Variants in FBXO36 observed in about 807,000 individuals in gnomAD.
FBXO36 encodes the protein F-box only protein 36.
A neutral mutation model predicts 17.0 loss-of-function variants in FBXO36; 18 were observed. That is an observed-to-expected ratio of 1.06 (90% confidence interval 0.73 to 1.57). FBXO36 has a LOEUF of 1.57. FBXO36 is among the 40% of genes most tolerant of loss of function. FBXO36 has a pLI of 0.00. For synonymous variants in FBXO36, 83 were observed against 85.3 expected (o/e 0.97, Z 0.15); for missense variants, 229 against 221.9 (o/e 1.03, Z -0.20).
At chr2:229,970,210 C>T (rs73103594) in intron 1 of FBXO36, among the ~76,000 whole-genome samples, 5,413 of 152,220 alleles carry the variant, frequency 0.036, 340 homozygotes, top group African/African-American at 0.12. Context: ...AAAACCTACA[C>T]ACAAATGTTT....
At chr2:230,010,493 G>C (rs371435599) in intron 3 of FBXO36, among the ~76,000 whole-genome samples, 1 of 152,192 alleles carries the variant, frequency 6.6e-6, no homozygotes. Context: ...GGAAGTTTAA[G>C]TGTGTGCAGA....
chr2:229,946,378 T>A (rs905128349), intron 1 of FBXO36, among the ~76,000 whole-genome samples: 1 of 152,196 alleles, frequency 6.6e-6, no homozygotes, highest in Non-Finnish European at 1.5e-5. Flanking sequence ...TTCCCCAATC[T>A]TTGCCTAGTC....
chr2:229,937,046 T>C, intron 1 of FBXO36, among the ~76,000 whole-genome samples: 1 of 152,068 alleles, frequency 6.6e-6, no homozygotes, highest in South Asian at 2.1e-4. Context: ...CCTCACCACC[T>C]CTAAAACGCC....
chr2:229,949,589 A>G (rs2077045987), intron 1 of FBXO36, among the ~76,000 whole-genome samples: 1 of 152,028 alleles, frequency 6.6e-6, no homozygotes, highest in Admixed American at 6.6e-5. Context: ...AAGTATATAG[A>G]TGCTGAGAAA....
chr2:229,963,567 C>G (rs2077135605), intron 1 of FBXO36, among the ~76,000 whole-genome samples: 1 of 151,770 alleles, frequency 6.6e-6, no homozygotes, highest in Admixed American at 6.6e-5. Context: ...GCCTCAGCCT[C>G]CCGAGTAGCT....
At chr2:229,950,223 C>G (rs1179350120) in intron 1 of FBXO36, among the ~76,000 whole-genome samples, 1 of 151,966 alleles carries the variant, frequency 6.6e-6, no homozygotes, top group Non-Finnish European at 1.5e-5. Flanking sequence ...GTCAGGGGTT[C>G]GAGACCAGCC....
chr2:229,976,004 G>A (rs1023414889), intron 1 of FBXO36, among the ~76,000 whole-genome samples: 1 of 152,002 alleles, frequency 6.6e-6, no homozygotes, highest in Non-Finnish European at 1.5e-5. Context: ...CACTGCACCC[G>A]GCCGACCTGA....
intron 1 of FBXO36, among the ~76,000 whole-genome samples, chr2:229,926,376 A>T (rs2076912427): frequency 6.6e-6 from 1 of 151,218 alleles, no homozygotes; most frequent in Admixed American, 6.6e-5. Flanking sequence ...GGTTGCAGTG[A>T]GCTGAGATCA....
chr2:229,929,476 G>GA (rs1450650777), intron 1 of FBXO36, among the ~76,000 whole-genome samples: 1 of 152,056 alleles, frequency 6.6e-6, no homozygotes, highest in Non-Finnish European at 1.5e-5. Flanking sequence ...TGAGGCAGGA[G>GA]AATGGCTTGA....
At chr2:229,982,940 C>T (rs1450108408) in intron 2 of FBXO36, among the ~76,000 whole-genome samples, 1 of 152,022 alleles carries the variant, frequency 6.6e-6, no homozygotes, top group African/African-American at 2.4e-5. Flanking sequence ...TACTAAATTG[C>T]AAAATCAAAA....
chr2:229,959,041 T>C (rs2106180462), intron 1 of FBXO36, among the ~76,000 whole-genome samples: 1 of 152,318 alleles, frequency 6.6e-6, no homozygotes, highest in African/African-American at 2.4e-5. Context: ...AAGTCTCCTT[T>C]GTTCCTTCAC....
At chr2:229,975,619 G>A (rs1244662437) in intron 1 of FBXO36, among the ~76,000 whole-genome samples, 1 of 151,104 alleles carries the variant, frequency 6.6e-6, no homozygotes, top group Non-Finnish European at 1.5e-5. Flanking sequence ...GGACTACAGA[G>A]CACACCACAA....
intron 3 of FBXO36, among the ~76,000 whole-genome samples, chr2:229,999,499 G>GTATA (rs201480766): frequency 1.1e-4 from 16 of 139,850 alleles, no homozygotes; most frequent in African/African-American, 2.7e-4. Context: ...ATATATATAT[G>GTATA]TATATATATA....
At chr2:230,002,318 A>G (rs374991850) in intron 3 of FBXO36, among the ~76,000 whole-genome samples, 2 of 152,096 alleles carry the variant, frequency 1.3e-5, no homozygotes, top group East Asian at 3.8e-4. Flanking sequence ...TTTATGTCCA[A>G]TCTAGCTTAC....
chr2:229,949,193 G>A (rs757834572), intron 1 of FBXO36, among the ~76,000 whole-genome samples: 10 of 152,116 alleles, frequency 6.6e-5, no homozygotes, highest in Non-Finnish European at 1.5e-4. Context: ...TTTGGATGTT[G>A]TCTCATTCAA....
At chr2:230,005,738 G>A (rs189580134) in intron 3 of FBXO36, among the ~76,000 whole-genome samples, 24 of 152,218 alleles carry the variant, frequency 1.6e-4, no homozygotes, top group African/African-American at 2.4e-4. Context: ...CACAATCTTC[G>A]TTCATTGCAG....
intron 2 of FBXO36, among the ~76,000 whole-genome samples, chr2:229,996,054 T>A (rs1229351486): frequency 1.3e-5 from 2 of 151,580 alleles, no homozygotes; most frequent in African/African-American, 4.8e-5. Context: ...GGTGGGAGGA[T>A]TGCTTGAGCC....
chr2:229,993,922 AT>A (rs897768547), intron 2 of FBXO36, among the ~76,000 whole-genome samples: 161 of 145,652 alleles, frequency 1.1e-3, no homozygotes, highest in Middle Eastern at 3.6e-3. Context: ...CGCCCGGCTA[AT>A]TTTTTTTTTT....
At chr2:229,970,703 G>A (rs777150631) in intron 1 of FBXO36, among the ~76,000 whole-genome samples, 7 of 152,144 alleles carry the variant, frequency 4.6e-5, no homozygotes, top group Non-Finnish European at 1.0e-4. Context: ...CTCAGATCCT[G>A]AAGATAGATA....
Sources: allele counts gnomAD v4.1 joint callset (sites outside exome capture counted in the v4.1 genomes callset), GRCh38; gene constraint gnomAD v4.1.1; transcripts MANE v1.5; gene names NCBI Gene and HGNC (gene_info 2026-07-23, HGNC 2026-07-21).